Variants in DAB1 observed in about 807,000 individuals in gnomAD.
The protein encoded by DAB1 is DAB adaptor protein 1.
DAB1 carries 15 observed loss-of-function variants against 64.6 expected under a neutral mutation model. The observed-to-expected ratio is 0.23, with a 90% CI of 0.16 to 0.36. DAB1 has a LOEUF of 0.36. Among genes scored for constraint, DAB1 ranks in the 10% least tolerant of loss-of-function variants. The probability of loss-of-function intolerance (pLI) is 1.00; values close to 1 mark genes in which losing one functional copy is unlikely to be tolerated. For synonymous variants in DAB1, 235 were observed against 251.9 expected, an observed-to-expected ratio of 0.93 and a Z score of 0.64; for missense variants, 596 against 706.7, an observed-to-expected ratio of 0.84 and a Z score of 1.78.
chr1:58,518,216 G>GGGGAGAGGGGAGAGGGGAGACGGGAGAC (rs1646189457), intron 2 of DAB1, among the ~76,000 whole-genome samples: 1 of 3,906 alleles, frequency 2.6e-4, no homozygotes, highest in African/African-American at 1.5e-3. Flanking sequence ...AGAGGGGAGA[G>GGGGAGAGGGGAGAGGGGAGACGGGAGAC]GGGAGAGGGG....
chr1:58,098,901 GT>G (rs1651147826), intron 5 of DAB1, among the ~76,000 whole-genome samples: 2 of 152,162 alleles, frequency 1.3e-5, no homozygotes, highest in Non-Finnish European at 2.9e-5. Flanking sequence ...AGTTGATGGT[GT>G]TTTGTTATGG....
intron 3 of DAB1, among the ~76,000 whole-genome samples, chr1:58,347,405 C>T (rs554258492): frequency 1.8e-4 from 28 of 152,258 alleles, no homozygotes; most frequent in African/African-American, 6.7e-4. Flanking sequence ...TGCACCCAAC[C>T]GATGGTTTTA....
rs1456261189 is a variant in DAB1 at position 57,388,601 on chromosome 1, T to C, written c.-137+35329A>G. On this transcript the variant is annotated intron_variant, in intron 1 of 14. Transcript: ENST00000371236. ...TTCTGCAGCTCCGTTGCACTTCCAATTGGCCTGCTACCTTTTCTGCTTTAG... is the reference window on the plus strand; with the variant it reads ...TTCTGCAGCTCCGTTGCACTTCCAACTGGCCTGCTACCTTTTCTGCTTTAG... Among the ~76,000 whole-genome samples, 4 of 152,152 alleles carry C rather than the reference T, an allele frequency of 2.6e-5. No homozygotes were observed. The South Asian group carries it at 6.2e-4, about 24-fold the overall frequency.
intron 1 of DAB1, among the ~76,000 whole-genome samples, chr1:57,421,794 A>T (rs1184607842): frequency 1.3e-5 from 2 of 151,630 alleles, no homozygotes; most frequent in African/African-American, 4.8e-5. Flanking sequence ...TACAGCTTTG[A>T]TTAGGTGCCC....
At chr1:57,172,957 G>A (rs1226579711) in intron 2 of DAB1, among the ~76,000 whole-genome samples, 1 of 152,110 alleles carries the variant, frequency 6.6e-6, no homozygotes, top group African/African-American at 2.4e-5. Flanking sequence ...ACTACATACT[G>A]CTAACCTGAA....
At chr1:58,124,831 A>C (rs924745507) in intron 5 of DAB1, among the ~76,000 whole-genome samples, 4 of 152,224 alleles carry the variant, frequency 2.6e-5, no homozygotes, top group African/African-American at 9.6e-5. Flanking sequence ...TCTGAAGGTT[A>C]AGTGAGATCA....
chr1:58,417,017 T>A (rs565522188), intron 3 of DAB1, among the ~76,000 whole-genome samples: 2 of 152,362 alleles, frequency 1.3e-5, no homozygotes, highest in East Asian at 3.9e-4. Context: ...TTGAAATGAA[T>A]GTCACCCTTT....
intron 5 of DAB1, among the ~76,000 whole-genome samples, chr1:58,117,440 T>C (rs1652405907): frequency 1.3e-5 from 2 of 152,200 alleles, no homozygotes; most frequent in Admixed American, 6.5e-5. Context: ...TAATTCCATC[T>C]GACTCCATGC....
At chr1:57,983,613 A>T (rs1570159612) in intron 5 of DAB1, among the ~76,000 whole-genome samples, 1 of 152,188 alleles carries the variant, frequency 6.6e-6, no homozygotes, top group Admixed American at 6.5e-5. Context: ...GTGTCATAAC[A>T]AATTAAGAGT....
rs1491423686 is a variant in DAB1 at position 58,518,285 on chromosome 1, GAA to G, written n.107+8974_107+8975del. Among the ~76,000 whole-genome samples, 30 of 16,228 alleles carry G rather than the reference GAA, an allele frequency of 1.8e-3. 5 individuals carry two copies. The highest frequency in any genetic ancestry group is 0.05 in the Middle Eastern group (2 of 40). 10.6% of individuals were successfully genotyped at this position (16,228 alleles called of 152,430 possible). ...GGAGAGGAGAGAGGAGAGGAGAAGA[GAA>G]GAGAAGAGAAGAGAAGAGAAGAGAA... is the stretch of plus-strand genomic sequence containing the variant. On this transcript the variant is annotated intron_variant and non_coding_transcript_variant, in intron 2 of 20. Transcript: ENST00000485760.
intron 2 of DAB1, among the ~76,000 whole-genome samples, chr1:57,210,523 G>A (rs748645818): frequency 3.3e-5 from 5 of 152,234 alleles, no homozygotes; most frequent in South Asian, 2.1e-4. Context: ...TAAAAGGGCC[G>A]TGTCTCCTAG....
intron 4 of DAB1, among the ~76,000 whole-genome samples, chr1:57,073,563 G>T (rs1483667026): frequency 1.3e-5 from 2 of 152,180 alleles, no homozygotes; most frequent in African/African-American, 4.8e-5. Context: ...GGGTGCTTAT[G>T]GTATGTTTAA....
intron 4 of DAB1, among the ~76,000 whole-genome samples, chr1:58,258,117 C>CA (rs1396192026): frequency 1.3e-5 from 2 of 152,188 alleles, no homozygotes; most frequent in African/African-American, 4.8e-5. Flanking sequence ...AGGCACTCAT[C>CA]AGCTCTCCTG....
intron 4 of DAB1, among the ~76,000 whole-genome samples, chr1:57,092,157 G>T (rs969933582): frequency 7.6e-4 from 115 of 152,292 alleles, no homozygotes; most frequent in African/African-American, 2.7e-3. Flanking sequence ...GGGGGACATT[G>T]GTTCTCACCA....
intron 2 of DAB1, among the ~76,000 whole-genome samples, chr1:57,150,823 C>T (rs1659590972): frequency 6.6e-6 from 1 of 152,038 alleles, no homozygotes; most frequent in Non-Finnish European, 1.5e-5. Flanking sequence ...TTTAGCAATC[C>T]TAATTATCTT....
chr1:57,853,735 G>A (rs1345034280), intron 1 of DAB1, among the ~76,000 whole-genome samples: 1 of 152,096 alleles, frequency 6.6e-6, no homozygotes, highest in Non-Finnish European at 1.5e-5. Context: ...GAAGCAACAA[G>A]ATAATAACCT....
intron 3 of DAB1, among the ~76,000 whole-genome samples, chr1:58,462,363 T>C (rs1018189977): frequency 6.6e-6 from 1 of 152,078 alleles, no homozygotes. Flanking sequence ...CCTGACCTCA[T>C]GATCCACCCG....
At chr1:58,357,993 C>G (rs1644127453) in intron 3 of DAB1, among the ~76,000 whole-genome samples, 1 of 152,186 alleles carries the variant, frequency 6.6e-6, no homozygotes, top group South Asian at 2.1e-4. Context: ...ATTGCCAAAC[C>G]TTAATTCAGT....
intron 1 of DAB1, among the ~76,000 whole-genome samples, chr1:57,879,210 T>C (rs760972012): frequency 2.6e-5 from 4 of 152,134 alleles, no homozygotes; most frequent in Non-Finnish European, 4.4e-5. Context: ...CCCCTAACAA[T>C]TAAATTGGGC....
Sources: allele counts gnomAD v4.1 joint callset (sites outside exome capture counted in the v4.1 genomes callset), GRCh38; gene constraint gnomAD v4.1.1; transcripts MANE v1.5; gene names NCBI Gene and HGNC (gene_info 2026-07-23, HGNC 2026-07-21).